C2CD3: variants seen among roughly 807,000 people sequenced by gnomAD.
C2CD3 encodes the protein C2 domain containing 3 centriole elongation regulator, also known as C2 domain-containing protein 3.
C2CD3 carries 148 observed loss-of-function variants against 234.0 expected under a neutral mutation model. The ratio of observed to expected loss-of-function variants is 0.63; its 90% CI spans 0.55 to 0.72. The LOEUF (loss-of-function observed/expected upper bound fraction) is 0.72. Ranked by LOEUF, C2CD3 falls within the 30% of genes least tolerant of loss-of-function variation. The probability of loss-of-function intolerance (pLI) is 0.00; values close to 1 mark genes in which losing one functional copy is unlikely to be tolerated. For synonymous variants in C2CD3, 1,000 were observed against 1,035.4 expected, an observed-to-expected ratio of 0.97 and a Z score of 0.66; for missense variants, 2,577 against 2,811.5, an observed-to-expected ratio of 0.92 and a Z score of 1.89.
chr11:74,161,704 AGG>A (rs1467740329), intron 2 of C2CD3, 148 bp from the exon 3 acceptor site: 1 of 434,990 alleles, frequency 2.3e-6, no homozygotes, highest in African/African-American at 2.0e-5. Flanking sequence ...GGTGAAAGTG[AGG>A]GGAATTAGGT....
At chr11:74,128,453 A>G (rs1425572686) in intron 7 of C2CD3, 1 of 152,138 alleles carries the variant, frequency 6.6e-6, no homozygotes, top group Admixed American at 6.5e-5. Context: ...ATCATTTCCC[A>G]AATTCAAGGT....
At chr11:74,091,741 C>T (rs1270196255) in intron 19 of C2CD3, among the ~76,000 whole-genome samples, 1 of 152,148 alleles carries the variant, frequency 6.6e-6, no homozygotes, top group East Asian at 1.9e-4. Flanking sequence ...TAACAATTCT[C>T]TGAGTGTACC....
intron 29 of C2CD3, among the ~76,000 whole-genome samples, chr11:74,040,461 GT>G (rs955965395): frequency 2.0e-4 from 30 of 146,650 alleles, no homozygotes; most frequent in South Asian, 6.5e-4. Flanking sequence ...GAATAGGTTA[GT>G]TTTTTTTTTT....
At chr11:74,029,896 C>T (rs1340918627) in intron 31 of C2CD3, among the ~76,000 whole-genome samples, 1 of 152,210 alleles carries the variant, frequency 6.6e-6, no homozygotes, top group African/African-American at 2.4e-5. Flanking sequence ...GCTGGGATTA[C>T]AGGCACATGC....
chr11:74,043,648 T>C (rs916544022), intron 28 of C2CD3, among the ~76,000 whole-genome samples: 10 of 152,152 alleles, frequency 6.6e-5, no homozygotes, highest in African/African-American at 2.2e-4. Flanking sequence ...AGATATCTTT[T>C]TTTTTTTTTA....
At chr11:74,042,770 C>T (rs1305749992) in intron 28 of C2CD3, among the ~76,000 whole-genome samples, 1 of 151,488 alleles carries the variant, frequency 6.6e-6, no homozygotes, top group Non-Finnish European at 1.5e-5. Context: ...AAAAAGCCCC[C>T]CAAAACCAAA....
chr11:74,166,818 A>G (rs1590987370), intron 2 of C2CD3, among the ~76,000 whole-genome samples: 2 of 152,164 alleles, frequency 1.3e-5, no homozygotes, highest in Non-Finnish European at 2.9e-5. Context: ...TGTGTCAGCT[A>G]CTAGACCGAT....
rs575043597 is a variant in C2CD3 at position 74,021,836 on chromosome 11, G to T, written c.6921+6451C>A. Among the ~76,000 whole-genome samples, 23 of 152,218 alleles carry T rather than the reference G, an allele frequency of 1.5e-4. No individual in the cohort carries two copies. The South Asian group carries it at 4.8e-3, about 32-fold the overall frequency. On this transcript the variant is annotated intron_variant, in intron 32 of 32. Transcript: ENST00000334126. ...GTATAAGTGAGACTGGTTAGAAATA[G>T]TCGGGGGGGCTGGGCGCAGTGGCTT...
At chr11:74,140,608 TGATTA>T (rs1214401520) in intron 3 of C2CD3, among the ~76,000 whole-genome samples, 4 of 152,222 alleles carry the variant, frequency 2.6e-5, no homozygotes, top group Admixed American at 2.6e-4. Flanking sequence ...TTCATCATCC[TGATTA>T]GATTATGCAT....
At chr11:74,026,868 G>A (rs1320057223) in intron 32 of C2CD3, among the ~76,000 whole-genome samples, 9 of 151,572 alleles carry the variant, frequency 5.9e-5, no homozygotes, top group Non-Finnish European at 1.2e-4. Context: ...CTACTTGGGA[G>A]GCTGAGGCAG....
intron 24 of C2CD3, among the ~76,000 whole-genome samples, chr11:74,073,142 CTTCTT>C (rs1473561548): frequency 6.6e-6 from 1 of 152,128 alleles, no homozygotes; most frequent in Non-Finnish European, 1.5e-5. Context: ...CTATGGGCCT[CTTCTT>C]TTAACAGTGT....
chr11:74,119,652 TTGAGA>T (rs1219630868), intron 8 of C2CD3, among the ~76,000 whole-genome samples: 1 of 151,514 alleles, frequency 6.6e-6, no homozygotes, highest in Non-Finnish European at 1.5e-5. Flanking sequence ...TTTTTTTTTT[TTGAGA>T]TGGAGTCTCA....
Position 74,139,844 on chromosome 11 carries a change from A to C in C2CD3, c.484-16T>G. 1.3e-6 allele frequency: 2 copies of C among 1,498,496 alleles called. No homozygotes were observed. The highest frequency in any genetic ancestry group is 1.9e-6 in the Non-Finnish European group (2 of 1,075,234). 92.8% of individuals were successfully genotyped at this position (1,498,496 alleles called of 1,614,324 possible). On this transcript the variant is annotated splice_polypyrimidine_tract_variant and intron_variant, in intron 3 of 32. Transcript: ENST00000334126. ...CAAGTGAGACCTAAGAGAGACAGGTAGTATATGAGAAATTTTCTTTAGCAT... is the reference window on the plus strand; with the variant it reads ...CAAGTGAGACCTAAGAGAGACAGGTCGTATATGAGAAATTTTCTTTAGCAT...
intron 3 of C2CD3, among the ~76,000 whole-genome samples, chr11:74,144,867 T>C (rs1394768804): frequency 1.3e-5 from 2 of 152,230 alleles, no homozygotes; most frequent in East Asian, 3.8e-4. Context: ...GCACTCAGCT[T>C]GATTCTATGT....
intron 3 of C2CD3, among the ~76,000 whole-genome samples, chr11:74,149,347 A>C (rs1022518052): frequency 7.1e-6 from 1 of 140,890 alleles, no homozygotes; most frequent in African/African-American, 2.9e-5. Flanking sequence ...TTGTTTTCTC[A>C]TTTGCTTAGT....
intron 7 of C2CD3, chr11:74,128,659 G>A (rs1456863498): frequency 1.3e-5 from 2 of 151,770 alleles, no homozygotes; most frequent in African/African-American, 4.8e-5. Flanking sequence ...AGTGAACAAA[G>A]GTCTCTGGTT....
At chr11:74,073,616 C>CA (rs1237493826) in intron 24 of C2CD3, among the ~76,000 whole-genome samples, 10 of 145,636 alleles carry the variant, frequency 6.9e-5, no homozygotes, top group African/African-American at 2.3e-4. Context: ...TCAAAACAAA[C>CA]AAAAAAACCC....
chr11:74,150,507 AAAAAAAAACAAAAAAAAAAC>A lies in C2CD3; in HGVS notation c.484-10699_484-10680del, dbSNP rs1444641083. Among the ~76,000 whole-genome samples, 741 of 76,900 alleles carry A rather than the reference AAAAAAAAACAAAAAAAAAAC, an allele frequency of 9.6e-3. 11 individuals carry two copies. The highest frequency in any genetic ancestry group is 0.022 in the Middle Eastern group (3 of 138). 50.4% of individuals were successfully genotyped at this position (76,900 alleles called of 152,430 possible). A position where few individuals can be genotyped will look rare whatever the true frequency, so the allele number is the denominator to read the frequency against. ...GACCCTGTCTCAAAAAAAAAAAAAA[AAAAAAAAACAAAAAAAAAAC>A]AAAACAAATTTCTAAGCTTTTTAAA... On this transcript the variant is annotated intron_variant, in intron 3 of 32. Coordinates refer to ENST00000334126, the MANE Select transcript of C2CD3 (RefSeq NM_001286577.2).
At chr11:74,146,802 C>T (rs1855234490) in intron 3 of C2CD3, among the ~76,000 whole-genome samples, 1 of 151,746 alleles carries the variant, frequency 6.6e-6, no homozygotes, top group Non-Finnish European at 1.5e-5. Flanking sequence ...TCTGTAATCC[C>T]AGCACTTTGG....
Sources: allele counts gnomAD v4.1 joint callset (sites outside exome capture counted in the v4.1 genomes callset), GRCh38; gene constraint gnomAD v4.1.1; transcripts MANE v1.5; gene names NCBI Gene and HGNC (gene_info 2026-07-23, HGNC 2026-07-21).